The following GRM8 variants were observed in gnomAD, a reference collection of about 807,000 sequenced individuals.
GRM8 encodes the protein metabotropic glutamate receptor 8.
GRM8 carries 47 observed loss-of-function variants against 87.2 expected under a neutral mutation model. That is an observed-to-expected ratio of 0.54 (90% CI 0.43 to 0.69). The LOEUF (loss-of-function observed/expected upper bound fraction) is 0.69. Among genes scored for constraint, GRM8 ranks in the 30% least tolerant of loss-of-function variants. The probability of loss-of-function intolerance (pLI) is 0.00; values close to 1 mark genes in which losing one functional copy is unlikely to be tolerated. For synonymous variants in GRM8, 396 were observed against 404.5 expected (o/e 0.98, Z 0.25); for missense variants, 1,019 against 1,139.2 (o/e 0.89, Z 1.52).
chr7:126,579,802 T>C (rs1795446312), intron 8 of GRM8, among the ~76,000 whole-genome samples: 1 of 152,114 alleles, frequency 6.6e-6, no homozygotes, highest in Non-Finnish European at 1.5e-5. Flanking sequence ...TAAAAACTAA[T>C]TAACTTAAAT....
intron 3 of GRM8, among the ~76,000 whole-genome samples, chr7:127,091,839 C>T (rs1268472869): frequency 6.7e-5 from 7 of 103,708 alleles, no homozygotes; most frequent in Non-Finnish European, 1.4e-4. Context: ...GCTGGCGACC[C>T]CCCGGCCGTC....
At chr7:126,732,838 TA>T (rs1332062484) in intron 7 of GRM8, among the ~76,000 whole-genome samples, 2 of 152,120 alleles carry the variant, frequency 1.3e-5, no homozygotes, top group African/African-American at 4.8e-5. Flanking sequence ...AGTTTAGGAA[TA>T]AAAAAATCCT....
intron 3 of GRM8, among the ~76,000 whole-genome samples, chr7:127,005,831 G>T (rs1306722998): frequency 2.0e-5 from 3 of 151,788 alleles, no homozygotes; most frequent in Admixed American, 6.6e-5. Flanking sequence ...ACATTCATTT[G>T]AATTAACTGA....
chr7:126,947,016 C>G (rs1807609295), intron 3 of GRM8, among the ~76,000 whole-genome samples: 1 of 152,182 alleles, frequency 6.6e-6, no homozygotes, highest in African/African-American at 2.4e-5. Flanking sequence ...AAGATGTGTC[C>G]TTCATCTTCC....
At chr7:126,523,917 GTAGA>G (rs1411758052) in intron 9 of GRM8, among the ~76,000 whole-genome samples, 1 of 152,014 alleles carries the variant, frequency 6.6e-6, no homozygotes, top group Non-Finnish European at 1.5e-5. Context: ...ACTTACATTA[GTAGA>G]TAAATTAATA....
intron 2 of GRM8, among the ~76,000 whole-genome samples, chr7:127,175,852 A>C (rs1006135839): frequency 5.9e-5 from 9 of 152,204 alleles, no homozygotes; most frequent in Non-Finnish European, 1.0e-4. Context: ...TTTTTAAAAA[A>C]CATTATTTAA....
intron 2 of GRM8, chr7:127,110,950 C>G (rs1338242264): frequency 6.6e-6 from 1 of 152,216 alleles, no homozygotes; most frequent in East Asian, 1.9e-4. Context: ...CATGCTGGGC[C>G]TCAATTCTTG....
chr7:126,981,109 TC>T, intron 3 of GRM8: 1 of 153,572 alleles, frequency 6.5e-6, no homozygotes, highest in Non-Finnish European at 1.4e-5. Context: ...CAGCCCCACA[TC>T]CCCCGACCTC....
intron 2 of GRM8, among the ~76,000 whole-genome samples, chr7:127,169,620 T>C (rs1793669917): frequency 6.6e-6 from 1 of 152,196 alleles, no homozygotes; most frequent in Non-Finnish European, 1.5e-5. Flanking sequence ...CAGGATTAAC[T>C]AGAGAGGAAA....
chr7:127,221,553 C>T (rs1796936036), intron 2 of GRM8, among the ~76,000 whole-genome samples: 1 of 152,214 alleles, frequency 6.6e-6, no homozygotes, highest in African/African-American at 2.4e-5. Flanking sequence ...AGAACACACC[C>T]TGCTATGATT....
chr7:127,108,516 A>G (rs1312593755), intron 2 of GRM8, among the ~76,000 whole-genome samples: 2 of 152,090 alleles, frequency 1.3e-5, no homozygotes, highest in Non-Finnish European at 2.9e-5. Context: ...TCTTTGTCCT[A>G]TTTGGATACC....
At chr7:127,240,573 A>G (rs11563673) in intron 2 of GRM8, among the ~76,000 whole-genome samples, 43,776 of 152,020 alleles carry the variant, frequency 0.29, 7,066 homozygotes, top group Middle Eastern at 0.41. Flanking sequence ...AATGGTATTG[A>G]CAGGAACCCG....
chr7:126,936,127 A>T (rs1806290194), intron 3 of GRM8, among the ~76,000 whole-genome samples: 2 of 152,198 alleles, frequency 1.3e-5, no homozygotes, highest in African/African-American at 4.8e-5. Flanking sequence ...CTTTCCAGAC[A>T]CACAGATACG....
chr7:126,957,289 C>A (rs1308756524), intron 3 of GRM8, among the ~76,000 whole-genome samples: 1 of 152,188 alleles, frequency 6.6e-6, no homozygotes, highest in African/African-American at 2.4e-5. Context: ...AATTACATAA[C>A]CATGAGGTCT....
intron 8 of GRM8, among the ~76,000 whole-genome samples, chr7:126,602,527 A>G (rs1225787991): frequency 1.4e-5 from 2 of 141,198 alleles, no homozygotes; most frequent in South Asian, 2.5e-4. Flanking sequence ...CTTGGGCAGT[A>G]TGGCCATTTT....
intron 2 of GRM8, among the ~76,000 whole-genome samples, chr7:127,209,311 C>T (rs1796083934): frequency 6.6e-6 from 1 of 152,214 alleles, no homozygotes; most frequent in Non-Finnish European, 1.5e-5. Flanking sequence ...ACCTCATTAA[C>T]ACCCCACCAC....
intron 3 of GRM8, among the ~76,000 whole-genome samples, chr7:126,907,993 C>T (rs185350901): frequency 6.6e-6 from 1 of 152,032 alleles, no homozygotes; most frequent in African/African-American, 2.4e-5. Context: ...GTCTTTGTGA[C>T]CAGTTATGTG....
chr7:127,190,279 A>T (rs562780630), intron 2 of GRM8, among the ~76,000 whole-genome samples: 2 of 152,340 alleles, frequency 1.3e-5, no homozygotes, highest in East Asian at 3.9e-4. Flanking sequence ...CTAGTAGCCA[A>T]AGCAAGCCAC....
intron 2 of GRM8, among the ~76,000 whole-genome samples, chr7:127,132,834 G>A (rs969420510): frequency 6.6e-6 from 1 of 152,128 alleles, no homozygotes. Context: ...AGGAGTCCTA[G>A]ATGTTCACTG....
Sources: gnomAD v4.1 joint callset for allele counts (sites outside exome capture counted in the v4.1 genomes callset) on GRCh38, gnomAD v4.1.1 for gene constraint, MANE v1.5 for transcripts, NCBI Gene and HGNC (gene_info 2026-07-23, HGNC 2026-07-21) for gene names.